Variants in ABCA13 observed in about 807,000 individuals in gnomAD.
ABCA13 encodes ATP binding cassette subfamily A member 13.
ABCA13 carries 476 observed loss-of-function variants against 478.7 expected under a neutral mutation model. The observed-to-expected ratio is 0.99, with a 90% CI of 0.92 to 1.07. The LOEUF (loss-of-function observed/expected upper bound fraction) is 1.07, where lower values mean the gene tolerates loss of function less well. ABCA13 is among the 50% of genes least tolerant of loss of function. The pLI, the probability that ABCA13 is intolerant of heterozygous loss-of-function variation, is 0.00. For synonymous variants in ABCA13, 2,252 were observed against 2,158.9 expected (o/e 1.04, Z -1.20); for missense variants, 6,060 against 5,910.6 (o/e 1.03, Z -0.83).
intron 55 of ABCA13, among the ~76,000 whole-genome samples, chr7:48,546,326 G>A (rs1201125329): frequency 1.3e-5 from 2 of 151,780 alleles, no homozygotes; most frequent in African/African-American, 4.8e-5. Flanking sequence ...AGTTTAATTT[G>A]GCAGTGATGA....
intron 38 of ABCA13, among the ~76,000 whole-genome samples, chr7:48,396,678 A>T (rs1228399823): frequency 6.6e-6 from 1 of 152,190 alleles, no homozygotes; most frequent in East Asian, 1.9e-4. Context: ...CTCATTGGGG[A>T]TTCCATGAGT....
intron 43 of ABCA13, among the ~76,000 whole-genome samples, chr7:48,459,998 A>C (rs575107438): frequency 1.3e-5 from 2 of 152,086 alleles, no homozygotes; most frequent in Admixed American, 6.5e-5. Flanking sequence ...ACCCTGGCCC[A>C]CTGTCTGCTG....
rs1297198590 is a variant in ABCA13, at chr7:48,389,097, T to C, written c.11531T>C (p.Leu3844Pro). 2.5e-6 allele frequency: 4 copies of C among 1,613,844 alleles called. No individual in the cohort carries two copies. The highest frequency in any genetic ancestry group is 3.4e-6 in the Non-Finnish European group (4 of 1,179,870). The part of the protein sequence containing the change: ...ELEGSAPGVT[L>P]VSVTKEYEGH... ...GAAGGAAGTGCCCCGGGAGTCACCC[T>C]GGTGTCTGTGACCAAGGAATATGAG... is the stretch of plus-strand genomic sequence containing the variant. Residue 3844 changes from leucine to proline, a missense_variant, in exon 37 of 62, where the codon CTG becomes CCG. This residue lies in a region of ABCA13 where 1,627 missense variants were observed against 1,571.0 expected (regional missense o/e 1.04). Coordinates refer to ENST00000435803, the MANE Select transcript of ABCA13 (RefSeq NM_152701.5).
At chr7:48,243,853 C>T (rs1430825937) in intron 10 of ABCA13, among the ~76,000 whole-genome samples, 1 of 152,178 alleles carries the variant, frequency 6.6e-6, no homozygotes, top group African/African-American at 2.4e-5. Flanking sequence ...TAGCTTGCTT[C>T]GTTTATCACA....
chr7:48,415,258 C>T (rs368670277), intron 41 of ABCA13, among the ~76,000 whole-genome samples: 2 of 151,996 alleles, frequency 1.3e-5, no homozygotes, highest in Admixed American at 6.6e-5. Flanking sequence ...CAGAAGGAGG[C>T]GCTGCTTCCA....
intron 23 of ABCA13, among the ~76,000 whole-genome samples, chr7:48,307,191 C>T (rs1239777407): frequency 6.6e-6 from 1 of 152,128 alleles, no homozygotes; most frequent in Non-Finnish European, 1.5e-5. Context: ...TAGGTGATAT[C>T]ATCATTATGT....
chr7:48,344,163 G>A lies in ABCA13; in HGVS notation c.10204+5708G>A, dbSNP rs73323759. ...AACTGAGGATGATTTTGTCCTCTAA[G>A]GGATGTGTGGTTATGTCTGGAGATA... On this transcript the variant is annotated intron_variant, in intron 29 of 61. Transcript: ENST00000435803. Among the ~76,000 whole-genome samples, 802 of 152,290 alleles carry A rather than the reference G, an allele frequency of 5.3e-3. 16 individuals carry two copies. The highest frequency in any genetic ancestry group is 0.019 in the African/African-American group (770 of 41,564).
At chr7:48,527,261 C>A (rs929330902) in intron 54 of ABCA13, among the ~76,000 whole-genome samples, 2 of 151,868 alleles carry the variant, frequency 1.3e-5, no homozygotes, top group African/African-American at 4.8e-5. Context: ...GCAGGGAAAG[C>A]GGGGAAAACA....
chr7:48,450,972 C>CTTTTTTTTTTTTTTTTT (rs11423408), intron 42 of ABCA13, among the ~76,000 whole-genome samples: 2 of 139,692 alleles, frequency 1.4e-5, no homozygotes, highest in African/African-American at 5.3e-5. Flanking sequence ...TTATTATATT[C>CTTTTTTTTTTTTTTTTT]TTTTTTTTTT....
rs922839833 is a variant in ABCA13, at chr7:48,560,662, A to G, written c.14355-19562A>G. Among the ~76,000 whole-genome samples, 14 of 152,228 alleles carry G rather than the reference A, an allele frequency of 9.2e-5. 1 individual carries two copies. The highest frequency in any genetic ancestry group is 3.1e-4 in the African/African-American group (13 of 41,462). ...ATGGAATAACTAAATTAAGCTGATT[A>G]GCATACCCATTACTTCAAATATTTT... is the stretch of plus-strand genomic sequence containing the variant. On this transcript the variant is annotated intron_variant, in intron 55 of 61. Coordinates refer to ENST00000435803, the MANE Select transcript of ABCA13 (RefSeq NM_152701.5).
chr7:48,497,169 T>C (rs1024886015), intron 48 of ABCA13, among the ~76,000 whole-genome samples: 1 of 152,146 alleles, frequency 6.6e-6, no homozygotes, highest in Admixed American at 6.5e-5. Flanking sequence ...AAGTTTTATT[T>C]TTTTCATCTC....
At chr7:48,392,186 G>A (rs758105999) in intron 38 of ABCA13, 47 bp downstream of exon 38, 2 of 1,548,858 alleles carry the variant, frequency 1.3e-6, no homozygotes, top group Admixed American at 1.7e-5. Context: ...TGCCCATTGT[G>A]TAAGGAAGTG....
rs111288504 is a variant in ABCA13, at chr7:48,494,702, A to G, written c.13291+5358A>G. ...GATGTGTTTATATCTGCATAAATAG[A>G]GGAAAATGTGTGAACCCTATGAAAG... On this transcript the variant is annotated intron_variant, in intron 48 of 61. Transcript: ENST00000435803. Among the ~76,000 whole-genome samples, 10 of 152,312 alleles carry G rather than the reference A, an allele frequency of 6.6e-5. 1 individual carries two copies. Among genetic ancestry groups the G allele is most frequent in the African/African-American group, 2.4e-4 (10 of 41,572 alleles).
chr7:48,239,938 C>T (rs10278267), intron 9 of ABCA13, among the ~76,000 whole-genome samples: 44,398 of 152,118 alleles, frequency 0.29, 7,301 homozygotes, highest in Non-Finnish European at 0.38. Context: ...GATTAGATTG[C>T]TCCTGGCCTC....
At chr7:48,573,174 A>C (rs1527834) in intron 55 of ABCA13, among the ~76,000 whole-genome samples, 152,151 of 152,156 alleles carry the variant, frequency 1, 76,073 homozygotes, top group Middle Eastern at 1. Flanking sequence ...CTTTCCAGTT[A>C]TAAAATTTTT....
chr7:48,440,479 A>AT (rs1823430151), intron 42 of ABCA13, among the ~76,000 whole-genome samples: 1 of 152,156 alleles, frequency 6.6e-6, no homozygotes, highest in Non-Finnish European at 1.5e-5. Flanking sequence ...TGGTCTCTAC[A>AT]TTCTACCGTT....
intron 15 of ABCA13, among the ~76,000 whole-genome samples, chr7:48,262,839 G>C (rs1333250364): frequency 6.6e-6 from 1 of 151,934 alleles, no homozygotes; most frequent in African/African-American, 2.4e-5. Context: ...ACTGAAAGAA[G>C]AGTGTTCAAA....
At chr7:48,195,143 A>G (rs1797761205) in intron 2 of ABCA13, among the ~76,000 whole-genome samples, 1 of 152,246 alleles carries the variant, frequency 6.6e-6, no homozygotes, top group Non-Finnish European at 1.5e-5. Flanking sequence ...AGCATGGACA[A>G]AAACCTAAAG....
intron 6 of ABCA13, among the ~76,000 whole-genome samples, chr7:48,228,850 C>T (rs754634833): frequency 2.0e-4 from 30 of 152,216 alleles, no homozygotes; most frequent in African/African-American, 5.8e-4. Context: ...CAGTGAACAA[C>T]GAAAATAATT....
Sources: gnomAD v4.1 joint callset for allele counts (sites outside exome capture counted in the v4.1 genomes callset) on GRCh38, gnomAD v4.1.1 for gene constraint, gnomAD v4.1.1 regional missense constraint, MANE v1.5 for transcripts, NCBI Gene and HGNC (gene_info 2026-07-23, HGNC 2026-07-21) for gene names.